Variants in MYO18B observed in about 807,000 individuals in gnomAD.
MYO18B encodes the protein unconventional myosin-XVIIIb.
A neutral mutation model predicts 273.0 loss-of-function variants in MYO18B; 204 were observed. The observed-to-expected ratio is 0.75, with a 90% confidence interval of 0.67 to 0.84. The LOEUF (loss-of-function observed/expected upper bound fraction) is 0.84. Among genes scored for constraint, MYO18B ranks in the 40% least tolerant of loss-of-function variants. MYO18B has a pLI of 0.00. For synonymous variants in MYO18B, 1,330 were observed against 1,305.7 expected, an observed-to-expected ratio of 1.02 and a Z score of -0.40; for missense variants, 3,212 against 3,287.6, an observed-to-expected ratio of 0.98 and a Z score of 0.56.
chr22:25,911,140 C>A (rs1023538705), intron 33 of MYO18B, 90 bp downstream of exon 33: 3 of 934,520 alleles, frequency 3.2e-6, no homozygotes, highest in Non-Finnish European at 5.0e-6. Context: ...CTGAGGGATA[C>A]CCTCTCCTCC....
At chr22:25,843,596 G>T (rs949838892) in intron 17 of MYO18B, 139 bp from the exon 18 acceptor site, 11 of 756,212 alleles carry the variant, frequency 1.5e-5, no homozygotes, top group Admixed American at 1.0e-4. Flanking sequence ...TACAGCAGGA[G>T]AAATGTGGGT....
chr22:25,863,376 T>G (rs2090796306), intron 21 of MYO18B, among the ~76,000 whole-genome samples: 1 of 152,180 alleles, frequency 6.6e-6, no homozygotes, highest in Admixed American at 6.5e-5. Flanking sequence ...GATCATAATT[T>G]TACGTTTATT....
At chr22:25,843,919 G>T (rs1009285605) in intron 18 of MYO18B, 25 bp downstream of exon 18, 1 of 1,589,804 alleles carries the variant, frequency 6.3e-7, no homozygotes, top group African/African-American at 1.3e-5. Context: ...GGTTGGGGAC[G>T]GGGATGGAGC....
rs747086507 is a variant in MYO18B, at chr22:25,847,472, A to T, written c.3595A>T (p.Ile1199Phe). 26 of 1,581,562 alleles carry T rather than the reference A, an allele frequency of 1.6e-5. No homozygotes were observed. The highest frequency in any genetic ancestry group is 1.0e-5 in the Non-Finnish European group (12 of 1,163,608). Reference protein sequence around the residue: ...SMIKRSRLHFIHCLVPNPVVE... With the variant: ...SMIKRSRLHFFHCLVPNPVVE... ...GATCAAAAGGTCCCGGCTGCACTTT[A>T]TCCACTGCCTGGTACCAAACCCTGT... The change falls in exon 20 of 44, where the codon ATC becomes TTC. Residue 1199 changes from isoleucine (I) to phenylalanine (F), a missense_variant. Physicochemically the swap from Ile to Phe is conservative, Grantham distance 21 (BLOSUM62 0). Coordinates refer to ENST00000335473, the MANE Select transcript of MYO18B (RefSeq NM_032608.7).
intron 34 of MYO18B, among the ~76,000 whole-genome samples, chr22:25,942,654 G>A (rs934199986): frequency 1.3e-5 from 2 of 152,108 alleles, no homozygotes; most frequent in Non-Finnish European, 2.9e-5. Context: ...TTATCAAAAG[G>A]TCCTAATGGT....
At chr22:25,834,662 G>T (rs890796361) in intron 16 of MYO18B, among the ~76,000 whole-genome samples, 11 of 152,282 alleles carry the variant, frequency 7.2e-5, no homozygotes, top group African/African-American at 2.6e-4. Flanking sequence ...CCCTCAGAGA[G>T]GCCCTTTAAA....
chr22:25,989,756 A>C (rs1160971573), intron 39 of MYO18B, among the ~76,000 whole-genome samples: 1 of 132,820 alleles, frequency 7.5e-6, no homozygotes, highest in East Asian at 2.1e-4. Context: ...CGAGATAGTG[A>C]GACTCCGTCT....
Position 25,952,408 on chromosome 22 carries a change from G to T in MYO18B, c.5955G>T (p.Gln1985His), listed in dbSNP as rs769104651. The T allele has an allele frequency of 2.5e-6, 4 of 1,613,066 alleles. No homozygotes were observed. The highest frequency in any genetic ancestry group is 2.2e-5 in the South Asian group (2 of 90,650). The part of the protein sequence containing the change: ...LENKTEFQKV[Q>H]IKRFEVLVIR... ...ACAAGACAGAGTTCCAGAAGGTGCA[G>T]ATTAAGAGATTTGAGGTACGTAGTG... Residue 1985 changes from glutamine (Q) to histidine (H), a missense_variant, in exon 38 of 44, where the codon CAG becomes CAT. Gln to His is a conservative substitution (Grantham distance 24, BLOSUM62 0). Transcript: ENST00000335473.
chr22:25,989,012 C>G (rs1018788424), intron 39 of MYO18B, among the ~76,000 whole-genome samples: 1 of 152,160 alleles, frequency 6.6e-6, no homozygotes, highest in Admixed American at 6.6e-5. Flanking sequence ...TAGTCCCAGC[C>G]GAGGCCCACC....
chr22:25,797,952 G>C lies in MYO18B; in HGVS notation c.2377-1G>C, dbSNP rs2145758552. On this transcript the variant is annotated splice_acceptor_variant, in intron 11 of 43. Transcript: ENST00000335473. LOFTEE classifies it high-confidence loss of function. Reference sequence around the variant, plus strand: ...TTCTTCCTCTCTCCCTTTGCCCGCAGCCTGAAGATAAACAGAAGGCGGCAG... The same window carrying C: ...TTCTTCCTCTCTCCCTTTGCCCGCACCCTGAAGATAAACAGAAGGCGGCAG... 6.2e-7 allele frequency: 1 copy of C among 1,614,014 alleles called. No homozygotes were observed. Among genetic ancestry groups the C allele is most frequent in the East Asian group, 2.2e-5 (1 of 44,884 alleles).
chr22:25,774,432 A>G, intron 7 of MYO18B, among the ~76,000 whole-genome samples: 1 of 152,338 alleles, frequency 6.6e-6, no homozygotes, highest in East Asian at 1.9e-4. Flanking sequence ...TGGAAGGGAC[A>G]TTTTTATAGA....
Position 25,993,619 on chromosome 22 carries a change from C to T in MYO18B, c.6287+1126C>T, listed in dbSNP as rs140993711. ...TCAAGGTCACACAGCAAATTAGCTT[C>T]ATACACTGAGCTAGAACTCAGGTCT... On this transcript the variant is annotated intron_variant, in intron 40 of 43. Transcript: ENST00000335473. Among the ~76,000 whole-genome samples the T allele has an allele frequency of 9.9e-3, 1,507 of 152,294 alleles. 9 individuals carry two copies. The highest frequency in any genetic ancestry group is 0.018 in the Non-Finnish European group (1,194 of 68,022).
intron 25 of MYO18B, among the ~76,000 whole-genome samples, chr22:25,884,476 A>T (rs2091438168): frequency 1.3e-5 from 2 of 152,116 alleles, no homozygotes; most frequent in African/African-American, 4.8e-5. Context: ...CACTGTTGGG[A>T]CATGCTAGGG....
intron 34 of MYO18B, among the ~76,000 whole-genome samples, chr22:25,935,607 A>C (rs1164653526): frequency 6.0e-5 from 9 of 149,534 alleles, no homozygotes; most frequent in African/African-American, 1.7e-4. Flanking sequence ...AAAAAAAAAA[A>C]CCCTGTGTCT....
intron 1 of MYO18B, among the ~76,000 whole-genome samples, chr22:25,747,849 C>T (rs971372254): frequency 2.0e-5 from 3 of 152,088 alleles, no homozygotes; most frequent in South Asian, 4.2e-4. Context: ...CAAACCGCTC[C>T]GTGAAGTGGG....
At chr22:26,024,885 T>C (rs28606436) in intron 42 of MYO18B, among the ~76,000 whole-genome samples, 11,942 of 152,194 alleles carry the variant, frequency 0.078, 630 homozygotes, top group Middle Eastern at 0.17. Context: ...AATGTATTTC[T>C]CATAGTTCTA....
rs761217473 is a variant in MYO18B, at chr22:25,781,772, G to A, written c.2250G>A (p.Pro750=). Residue 750 remains proline (P), a synonymous_variant, in exon 10 of 44, where the codon CCG becomes CCA. Coordinates refer to ENST00000335473, the MANE Select transcript of MYO18B (RefSeq NM_032608.7). ...LLEKSRVARQ[P]EGESNFLVFS... Reference sequence around the variant, plus strand: ...AGAAGAGCCGCGTGGCACGGCAGCCGGAAGGGGAAAGTAACTTCCTGGTTT... The same window carrying A: ...AGAAGAGCCGCGTGGCACGGCAGCCAGAAGGGGAAAGTAACTTCCTGGTTT... 88 of 1,592,930 alleles carry A rather than the reference G, an allele frequency of 5.5e-5. 1 individual carries two copies. The South Asian group carries it at 7.7e-4, about 14-fold the overall frequency.
chr22:25,911,931 C>A (rs1335785117), intron 33 of MYO18B, among the ~76,000 whole-genome samples: 1 of 152,102 alleles, frequency 6.6e-6, no homozygotes, highest in Non-Finnish European at 1.5e-5. Flanking sequence ...GAGAGAAATG[C>A]CTGTGGCTTC....
rs1289958044 is a variant in MYO18B, at chr22:25,770,980, A to G, written c.1688A>G (p.His563Arg). The G allele has an allele frequency of 1.9e-6, 3 of 1,551,170 alleles. No homozygotes were observed. The highest frequency in any genetic ancestry group is 2.4e-5 in the South Asian group (2 of 84,032). ...ACTGAGGTGGATGAGGAGCATGTCC[A>G]TCGGGTGAGTCCCCTGTCCCGCCGT... ...TITEVDEEHV[H>R]RANPPELDQV... The change falls in exon 6 of 44, where the codon CAT (histidine) becomes CGT (arginine). Residue 563 changes from histidine to arginine, a missense_variant. His to Arg is a conservative substitution (Grantham distance 29). Coordinates refer to ENST00000335473, the MANE Select transcript of MYO18B (RefSeq NM_032608.7).
Sources: allele counts gnomAD v4.1 joint callset (sites outside exome capture counted in the v4.1 genomes callset), GRCh38; gene constraint gnomAD v4.1.1; transcripts MANE v1.5; gene names NCBI Gene and HGNC (gene_info 2026-07-23, HGNC 2026-07-21).